The following LHFPL3 variants were observed in gnomAD, a reference collection of about 807,000 sequenced individuals.
LHFPL3 encodes the protein LHFPL tetraspan subfamily member 3 protein.
A neutral mutation model predicts 19.3 loss-of-function variants in LHFPL3; 5 were observed. The ratio of observed to expected loss-of-function variants is 0.26; its 90% CI spans 0.14 to 0.54. The LOEUF is 0.54. Ranked by LOEUF, LHFPL3 falls within the 20% of genes least tolerant of loss-of-function variation. The pLI is 0.94. For synonymous variants in LHFPL3, 133 were observed against 126.2 expected (o/e 1.05, Z -0.36); for missense variants, 249 against 307.4 (o/e 0.81, Z 1.42).
chr7:104,821,137 A>T (rs966618100), intron 2 of LHFPL3, among the ~76,000 whole-genome samples: 1 of 152,198 alleles, frequency 6.6e-6, no homozygotes, highest in African/African-American at 2.4e-5. Flanking sequence ...AAATGTCGTT[A>T]TGTAGTGTTC....
In LHFPL3 at chr7:104,489,170, C is replaced by T. The variant is rs1296795788; in HGVS notation, c.445+159946C>T. Among the ~76,000 whole-genome samples the T allele has an allele frequency of 1.0e-4, 4 of 40,026 alleles. 2 individuals carry two copies. Among genetic ancestry groups the T allele is most frequent in the Non-Finnish European group, 3.4e-4 (4 of 11,676 alleles). The allele number at this position is 40,026 out of a possible 152,430, so 26.3% of individuals were successfully genotyped here. ...GGATCTCGGCTCATTGCAAGCTCCA[C>T]CTCCCGGGTTCACGCCATTCTCCTG... On this transcript the variant is annotated intron_variant, in intron 1 of 2. Transcript: ENST00000424859.
rs1475225142 is a variant in LHFPL3, at chr7:104,399,549, G to T, written c.445+70325G>T. ...CAGTCTTGGCTCAGTGCAACCTCTG[G>T]CTCCTGGGTTCAAGGAATTCTCCTG... On this transcript the variant is annotated intron_variant, in intron 1 of 2. Coordinates refer to ENST00000424859, the MANE Select transcript of LHFPL3 (RefSeq NM_199000.3). This position sits in a 1 kb window ranked among gnomAD's most constrained non-coding sequence, Gnocchi z 4.4. Among the ~76,000 whole-genome samples the T allele has an allele frequency of 6.6e-6, 1 of 151,452 alleles. No homozygotes were observed. The highest frequency in any genetic ancestry group is 1.5e-5 in the Non-Finnish European group (1 of 67,858).
At chr7:104,873,007 G>A (rs1791866325) in intron 2 of LHFPL3, among the ~76,000 whole-genome samples, 1 of 152,208 alleles carries the variant, frequency 6.6e-6, no homozygotes. Context: ...CAGACAGGGA[G>A]GTAATGTGTT....
intron 1 of LHFPL3, among the ~76,000 whole-genome samples, chr7:104,605,165 T>G (rs1360338962): frequency 6.6e-6 from 1 of 152,230 alleles, no homozygotes; most frequent in Non-Finnish European, 1.5e-5. Flanking sequence ...GGAAATATTT[T>G]ACACTATCAA....
At chr7:104,504,333 C>T (rs1383041645) in intron 1 of LHFPL3, among the ~76,000 whole-genome samples, 2 of 152,198 alleles carry the variant, frequency 1.3e-5, no homozygotes, top group Admixed American at 6.5e-5. Flanking sequence ...TGTTTATAAA[C>T]AGGATTTCCC....
At chr7:104,668,034 T>G (rs2116022057) in intron 1 of LHFPL3, 5 of 1,613,800 alleles carry the variant, frequency 3.1e-6, no homozygotes, top group Non-Finnish European at 4.2e-6. Flanking sequence ...ATCGCCACCC[T>G]ACACTGCTTT....
chr7:104,872,920 T>C (rs189252883), intron 2 of LHFPL3, among the ~76,000 whole-genome samples: 2 of 152,378 alleles, frequency 1.3e-5, no homozygotes, highest in African/African-American at 4.8e-5. Flanking sequence ...TCAAGTATTA[T>C]GTACTGTACA....
rs184041061 is a variant in LHFPL3, at chr7:104,522,702, G to A, written c.445+193478G>A. Among the ~76,000 whole-genome samples, 4 of 152,180 alleles carry A rather than the reference G, an allele frequency of 2.6e-5. No individual in the cohort carries two copies. The East Asian group carries it at 7.7e-4, about 29-fold the overall frequency. On this transcript the variant is annotated intron_variant, in intron 1 of 2. Transcript: ENST00000424859. Reference sequence around the variant, plus strand: ...AAAGACAATACAGAAGGTCTTTCTTGCCATTTGTCCTGTGCTCCAGTTCAT... The same window carrying A: ...AAAGACAATACAGAAGGTCTTTCTTACCATTTGTCCTGTGCTCCAGTTCAT...
intron 1 of LHFPL3, among the ~76,000 whole-genome samples, chr7:104,585,480 AAC>A (rs57028058): frequency 0.17 from 20,939 of 123,266 alleles, 1,739 homozygotes; most frequent in East Asian, 0.35. Context: ...AACACACACA[AAC>A]ACACACACAC....
intron 1 of LHFPL3, among the ~76,000 whole-genome samples, chr7:104,442,417 GA>G (rs751905409): frequency 1.7e-4 from 26 of 152,148 alleles, no homozygotes; most frequent in Non-Finnish European, 3.2e-4. Flanking sequence ...AAGATAAAAG[GA>G]ATGACATATT....
intron 1 of LHFPL3, among the ~76,000 whole-genome samples, chr7:104,521,811 G>C (rs1794069710): frequency 6.6e-6 from 1 of 152,186 alleles, no homozygotes; most frequent in East Asian, 1.9e-4. Flanking sequence ...GGCCATCAGA[G>C]AAATGCAAAT....
At chr7:104,609,219 C>T (rs867496479) in intron 1 of LHFPL3, among the ~76,000 whole-genome samples, 5 of 151,258 alleles carry the variant, frequency 3.3e-5, no homozygotes, top group African/African-American at 7.3e-5. Context: ...GAGCTGAGAC[C>T]GTGCCACTAC....
chr7:104,645,136 G>T (rs1207433750), intron 1 of LHFPL3, among the ~76,000 whole-genome samples: 1 of 152,076 alleles, frequency 6.6e-6, no homozygotes, highest in Non-Finnish European at 1.5e-5. Flanking sequence ...CTTATGCTTT[G>T]CTTATTTCAC....
chr7:104,503,758 T>G (rs539318658), intron 1 of LHFPL3, among the ~76,000 whole-genome samples: 1 of 152,040 alleles, frequency 6.6e-6, no homozygotes, highest in Non-Finnish European at 1.5e-5. Flanking sequence ...TTGGTAGATA[T>G]GGGGTTTTGC....
chr7:104,869,360 C>A (rs1791789169), intron 2 of LHFPL3, among the ~76,000 whole-genome samples: 3 of 152,284 alleles, frequency 2.0e-5, no homozygotes, highest in South Asian at 4.1e-4. Context: ...GGGCTAATAT[C>A]CAGAATCTAC....
intron 2 of LHFPL3, among the ~76,000 whole-genome samples, chr7:104,792,761 C>A (rs1790049799): frequency 6.6e-6 from 1 of 152,172 alleles, no homozygotes; most frequent in Non-Finnish European, 1.5e-5. Flanking sequence ...ATCTACTTAT[C>A]TTTCTTTCAG....
intron 1 of LHFPL3, among the ~76,000 whole-genome samples, chr7:104,411,630 T>C (rs1231130580): frequency 6.6e-6 from 1 of 152,120 alleles, no homozygotes; most frequent in African/African-American, 2.4e-5. Flanking sequence ...GAAAACAAAA[T>C]TTGCTCTTTT....
intron 1 of LHFPL3, among the ~76,000 whole-genome samples, chr7:104,734,356 C>T (rs953589427): frequency 1.3e-5 from 2 of 152,198 alleles, no homozygotes; most frequent in Non-Finnish European, 2.9e-5. Context: ...TAAGCTACAC[C>T]AATCAGACAT....
intron 1 of LHFPL3, among the ~76,000 whole-genome samples, chr7:104,475,199 G>A (rs935604047): frequency 1.1e-4 from 17 of 152,094 alleles, no homozygotes; most frequent in African/African-American, 4.1e-4. Flanking sequence ...ATTACTTTCT[G>A]GTTTTTATCC....
Sources: allele counts gnomAD v4.1 joint callset (sites outside exome capture counted in the v4.1 genomes callset), GRCh38; gene constraint gnomAD v4.1.1; non-coding constraint Gnocchi (gnomAD v3.1); transcripts MANE v1.5; gene names NCBI Gene and HGNC (gene_info 2026-07-23, HGNC 2026-07-21).